Variants in ZNF827 observed in about 807,000 individuals in gnomAD.
The protein encoded by ZNF827 is zinc finger protein 827.
In ZNF827, 13 loss-of-function variants were observed where a neutral mutation model predicts 102.4. The observed-to-expected ratio is 0.13, with a 90% CI of 0.08 to 0.20. The LOEUF (loss-of-function observed/expected upper bound fraction) is 0.20. ZNF827 is among the 10% of genes least tolerant of loss of function. The pLI is 1.00. For synonymous variants in ZNF827, 523 were observed against 536.2 expected (o/e 0.98, Z 0.34); for missense variants, 1,103 against 1,344.4 (o/e 0.82, Z 2.81).
In ZNF827 at chr4:145,929,059, T is replaced by C. The variant is rs547200860; in HGVS notation, c.43+9306A>G. Among the ~76,000 whole-genome samples, 6 of 152,326 alleles carry C rather than the reference T, an allele frequency of 3.9e-5. No individual in the cohort carries two copies. In the South Asian group the frequency reaches 1.0e-3, roughly 26 times the overall value. ...GAAACCTCCGATTTCCAAAATGTTG[T>C]CTCAAGTTTTTAAACAGTATCTGTG... is the stretch of plus-strand genomic sequence containing the variant. On this transcript the variant is annotated intron_variant, in intron 1 of 14. Coordinates refer to ENST00000508784, the MANE Select transcript of ZNF827 (RefSeq NM_001306215.2).
intron 8 of ZNF827, among the ~76,000 whole-genome samples, chr4:145,809,219 T>C (rs190689656): frequency 1.6e-3 from 243 of 152,342 alleles, no homozygotes; most frequent in African/African-American, 5.8e-3. Context: ...GAGAATAGTA[T>C]GAAAAGATAT....
chr4:145,795,994 A>G (rs539492890), intron 8 of ZNF827, among the ~76,000 whole-genome samples: 9 of 152,348 alleles, frequency 5.9e-5, no homozygotes, highest in Non-Finnish European at 1.0e-4. Context: ...CTCTACAGTG[A>G]GATAGAATGG....
chr4:145,888,939 G>T (rs1181356474), intron 3 of ZNF827, among the ~76,000 whole-genome samples: 2 of 152,198 alleles, frequency 1.3e-5, no homozygotes, highest in Non-Finnish European at 2.9e-5. Flanking sequence ...AATGTACAGT[G>T]CCTAGGACAT....
chr4:145,923,571 C>T (rs1753227011), intron 1 of ZNF827, among the ~76,000 whole-genome samples: 1 of 152,036 alleles, frequency 6.6e-6, no homozygotes, highest in Non-Finnish European at 1.5e-5. Context: ...CCACTGCACT[C>T]CAGCCTGGGC....
Position 145,760,165 on chromosome 4 carries a change from C to T in ZNF827, c.*1451G>A, listed in dbSNP as rs1263559815. 1 of 152,200 alleles carries T rather than the reference C, an allele frequency of 6.6e-6. No individual in the cohort carries two copies. The highest frequency in any genetic ancestry group is 2.4e-5 in the African/African-American group (1 of 41,422). The allele number at this position is 152,200 out of a possible 1,614,324, so 9.4% of individuals were successfully genotyped here. ...TTCCTTCATCGACTAAGCACCAGGC[C>T]CTACCACTCTGTAGCCATCAAAGAG... On this transcript the variant is annotated 3_prime_UTR_variant, in exon 15 of 15. Transcript: ENST00000508784.
chr4:145,780,963 G>C (rs993742943), intron 8 of ZNF827, among the ~76,000 whole-genome samples: 1 of 152,166 alleles, frequency 6.6e-6, no homozygotes. Context: ...TCGGGAGGCC[G>C]AGGCAGGGGG....
chr4:145,858,461 T>A (rs1303095867), intron 5 of ZNF827, among the ~76,000 whole-genome samples: 3 of 151,562 alleles, frequency 2.0e-5, no homozygotes, highest in Non-Finnish European at 4.4e-5. Context: ...CATAGCGAGA[T>A]CCAGTCTCTA....
At chr4:145,849,756 T>G (rs1231073126) in intron 5 of ZNF827, among the ~76,000 whole-genome samples, 195 bp from the exon 6 acceptor site, 1 of 150,612 alleles carries the variant, frequency 6.6e-6, no homozygotes, top group African/African-American at 2.4e-5. Flanking sequence ...GAGACTTCAG[T>G]TTTTTTTAGC....
At chr4:145,889,612 G>C (rs900841156) in intron 3 of ZNF827, among the ~76,000 whole-genome samples, 1 of 148,124 alleles carries the variant, frequency 6.8e-6, no homozygotes, top group African/African-American at 2.5e-5. Flanking sequence ...GGAGTGCAGT[G>C]GTGCGATCTC....
chr4:145,812,334 C>G (rs1312005107), intron 8 of ZNF827, among the ~76,000 whole-genome samples: 1 of 152,070 alleles, frequency 6.6e-6, no homozygotes, highest in South Asian at 2.1e-4. Context: ...GAGTATTGGA[C>G]TCTCACATCA....
chr4:145,937,978 C>A (rs576823911), intron 1 of ZNF827, among the ~76,000 whole-genome samples: 1 of 150,018 alleles, frequency 6.7e-6, no homozygotes, highest in East Asian at 2.0e-4. Context: ...CCTCTCCCAC[C>A]TCCCCCCACC....
chr4:145,855,956 G>A (rs1029253532), intron 5 of ZNF827, among the ~76,000 whole-genome samples: 2 of 150,984 alleles, frequency 1.3e-5, no homozygotes, highest in African/African-American at 2.4e-5. Context: ...GTCTCCCCCT[G>A]TATCACAAAA....
intron 5 of ZNF827, among the ~76,000 whole-genome samples, chr4:145,853,451 G>GT (rs1363452487): frequency 2.6e-5 from 4 of 152,134 alleles, no homozygotes; most frequent in Non-Finnish European, 4.4e-5. Flanking sequence ...GTGTGGTGGT[G>GT]TGCCTATAGT....
chr4:145,816,731 A>C (rs1480525890), intron 8 of ZNF827, among the ~76,000 whole-genome samples: 1 of 152,208 alleles, frequency 6.6e-6, no homozygotes, highest in Non-Finnish European at 1.5e-5. Flanking sequence ...TTCTCCCTCT[A>C]GTAAACAGCT....
rs1198265808 is a variant in ZNF827 at position 145,759,647 on chromosome 4, T to C, written c.*1969A>G. The C allele has an allele frequency of 6.6e-6, 1 of 151,992 alleles. No homozygotes were observed. Among genetic ancestry groups the C allele is most frequent in the Non-Finnish European group, 1.5e-5 (1 of 67,994 alleles). The allele number at this position is 151,992 out of a possible 1,614,324, so 9.4% of individuals were successfully genotyped here. On this transcript the variant is annotated 3_prime_UTR_variant, in exon 15 of 15. Coordinates refer to ENST00000508784, the MANE Select transcript of ZNF827 (RefSeq NM_001306215.2). ...CTAAATCTTCAAACATACAGTCTAC[T>C]CATTCCATAAAAAAGGTACATTTTC...
intron 9 of ZNF827, among the ~76,000 whole-genome samples, chr4:145,777,096 A>G (rs1416810778): frequency 1.3e-5 from 2 of 152,236 alleles, no homozygotes; most frequent in Non-Finnish European, 2.9e-5. Flanking sequence ...CACAGAGAAG[A>G]ACATGGAAAA....
chr4:145,856,247 G>A (rs564009286), intron 5 of ZNF827, among the ~76,000 whole-genome samples: 193 of 152,082 alleles, frequency 1.3e-3, no homozygotes, highest in African/African-American at 4.2e-3. Context: ...CTGTCCTCTC[G>A]GTCCCCCAAA....
At chr4:145,903,247 C>A in intron 1 of ZNF827, 32 bp from the exon 2 acceptor site, 1 of 1,563,058 alleles carries the variant, frequency 6.4e-7, no homozygotes. Flanking sequence ...AGGTTTACTC[C>A]CAAAGTGAAC....
At chr4:145,921,350 T>C (rs12641158) in intron 1 of ZNF827, among the ~76,000 whole-genome samples, 3 of 151,010 alleles carry the variant, frequency 2.0e-5, no homozygotes, top group Non-Finnish European at 4.4e-5. Context: ...AGAAAATGCC[T>C]AAAAGATCTT....
Sources: gnomAD v4.1 joint callset for allele counts (sites outside exome capture counted in the v4.1 genomes callset) on GRCh38, gnomAD v4.1.1 for gene constraint, MANE v1.5 for transcripts, NCBI Gene and HGNC (gene_info 2026-07-23, HGNC 2026-07-21) for gene names.